The following SLCO3A1 variants were observed in gnomAD, a reference collection of about 807,000 sequenced individuals.
SLCO3A1 encodes PGE1 transporter.
Under a neutral mutation model 63.1 loss-of-function variants are expected in SLCO3A1, and 27 were observed. The ratio of observed to expected loss-of-function variants is 0.43; its 90% CI spans 0.32 to 0.59. SLCO3A1 has a LOEUF of 0.59. Among genes scored for constraint, SLCO3A1 ranks in the 20% least tolerant of loss-of-function variants. The probability of loss-of-function intolerance (pLI) is 0.09; values close to 1 mark genes in which losing one functional copy is unlikely to be tolerated. For synonymous variants in SLCO3A1, 473 were observed against 409.9 expected, an observed-to-expected ratio of 1.15 and a Z score of -1.86; for missense variants, 773 against 945.8, an observed-to-expected ratio of 0.82 and a Z score of 2.40.
chr15:91,960,345 T>C (rs1900398657), intron 2 of SLCO3A1, among the ~76,000 whole-genome samples: 2 of 152,336 alleles, frequency 1.3e-5, no homozygotes, highest in South Asian at 4.1e-4. Flanking sequence ...CCATCCATGT[T>C]GTAATGGGTA....
At chr15:92,110,099 C>G (rs185312240) in intron 4 of SLCO3A1, among the ~76,000 whole-genome samples, 12 of 152,178 alleles carry the variant, frequency 7.9e-5, no homozygotes, top group Non-Finnish European at 1.0e-4. Context: ...GCCTTTCCCC[C>G]CTCCAAAAGA....
intron 2 of SLCO3A1, among the ~76,000 whole-genome samples, chr15:91,947,346 G>A (rs112804879): frequency 2.3e-4 from 35 of 152,270 alleles, no homozygotes; most frequent in African/African-American, 8.2e-4. Flanking sequence ...GAAATTGTGG[G>A]AATCCTCAGG....
intron 2 of SLCO3A1, among the ~76,000 whole-genome samples, chr15:91,930,466 C>T (rs1270966892): frequency 6.6e-6 from 1 of 152,046 alleles, no homozygotes; most frequent in Non-Finnish European, 1.5e-5. Flanking sequence ...GTTACATGCC[C>T]AATGAGTAAT....
intron 2 of SLCO3A1, among the ~76,000 whole-genome samples, chr15:92,074,307 A>G (rs981021125): frequency 2.0e-5 from 3 of 152,218 alleles, no homozygotes; most frequent in Non-Finnish European, 2.9e-5. Flanking sequence ...TGAGCCATTC[A>G]GTTAACACCA....
intron 1 of SLCO3A1, among the ~76,000 whole-genome samples, chr15:91,911,088 C>G (rs895534978): frequency 6.6e-6 from 1 of 152,188 alleles, no homozygotes; most frequent in East Asian, 1.9e-4. Flanking sequence ...CCTATGGCAA[C>G]ATAGACTGAA....
Position 91,967,062 on chromosome 15 carries a change from A to G in SLCO3A1, c.646+50604A>G, listed in dbSNP as rs1237220707. On this transcript the variant is annotated intron_variant, in intron 2 of 9. Transcript: ENST00000318445. The surrounding 1 kb of genome is among the most constrained non-coding windows in gnomAD (Gnocchi z 4.4). ...TTGAACTCTGCTTTCAGATAACTTTATAAAGGGCTTTAAAACTGTCTTTGT... is the reference window on the plus strand; with the variant it reads ...TTGAACTCTGCTTTCAGATAACTTTGTAAAGGGCTTTAAAACTGTCTTTGT... Among the ~76,000 whole-genome samples the G allele has an allele frequency of 6.6e-6, 1 of 152,076 alleles. No individual in the cohort carries two copies. Among genetic ancestry groups the G allele is most frequent in the Non-Finnish European group, 1.5e-5 (1 of 68,012 alleles).
chr15:92,145,076 G>T (rs2048202839), intron 7 of SLCO3A1, among the ~76,000 whole-genome samples: 1 of 152,172 alleles, frequency 6.6e-6, no homozygotes, highest in African/African-American at 2.4e-5. Flanking sequence ...AAACAAGGGA[G>T]TGATGAGTAG....
In SLCO3A1 at chr15:92,016,699, T is replaced by A. The variant is rs2046442143; in HGVS notation, c.647-78182T>A. On this transcript the variant is annotated intron_variant, in intron 2 of 9. Transcript: ENST00000318445. ...AGAGAGAATGAATTCCAGAGAGTTA[T>A]CAAAGCAAGGATGGATGGGACATGA... Among the ~76,000 whole-genome samples, 3 of 151,922 alleles carry A rather than the reference T, an allele frequency of 2.0e-5. No individual in the cohort carries two copies. The South Asian group carries it at 6.2e-4, about 32-fold the overall frequency.
At chr15:92,012,399 T>C (rs1383964420) in intron 2 of SLCO3A1, among the ~76,000 whole-genome samples, 2 of 152,150 alleles carry the variant, frequency 1.3e-5, no homozygotes, top group African/African-American at 4.8e-5. Flanking sequence ...CCCACAGTTC[T>C]GGGAATTTAG....
chr15:92,108,617 G>T (rs931175336), intron 4 of SLCO3A1, among the ~76,000 whole-genome samples: 1 of 152,202 alleles, frequency 6.6e-6, no homozygotes, highest in Non-Finnish European at 1.5e-5. Flanking sequence ...ATTGTAAGTT[G>T]TCTCCGGCAT....
intron 2 of SLCO3A1, among the ~76,000 whole-genome samples, chr15:92,093,698 T>C (rs1309041987): frequency 6.6e-6 from 1 of 152,134 alleles, no homozygotes; most frequent in Non-Finnish European, 1.5e-5. Flanking sequence ...TCCCCAACCC[T>C]GAGAATAGTA....
chr15:92,063,040 A>G (rs1172026917), intron 2 of SLCO3A1, among the ~76,000 whole-genome samples: 1 of 152,214 alleles, frequency 6.6e-6, no homozygotes, highest in Admixed American at 6.5e-5. Context: ...TCACCCAAAA[A>G]GAACAACCAA....
chr15:92,092,818 C>G (rs2047492878), intron 2 of SLCO3A1, among the ~76,000 whole-genome samples: 1 of 152,140 alleles, frequency 6.6e-6, no homozygotes, highest in Non-Finnish European at 1.5e-5. Context: ...TTATGACAAA[C>G]CAGAGATAAT....
In SLCO3A1 at chr15:92,162,782, G is replaced by C; in HGVS notation, c.1780G>C (p.Gly594Arg). Residue 594 changes from glycine (G) to arginine (R), a missense_variant, in exon 10 of 10, where the codon GGG (glycine) becomes CGG (arginine). Coordinates refer to ENST00000318445, the MANE Select transcript of SLCO3A1 (RefSeq NM_013272.4). ...CTTCATCCCTCCACCCCTCATCTTCGGGGCTGGCATCGACTCCACCTGCCT... is the reference window on the plus strand; with the variant it reads ...CTTCATCCCTCCACCCCTCATCTTCCGGGCTGGCATCGACTCCACCTGCCT... Reference protein sequence around the residue: ...LGFIPPPLIFGAGIDSTCLFW... With the variant: ...LGFIPPPLIFRAGIDSTCLFW... 1 of 1,613,690 alleles carries C rather than the reference G, an allele frequency of 6.2e-7. No individual in the cohort carries two copies.
intron 1 of SLCO3A1, among the ~76,000 whole-genome samples, chr15:91,861,113 G>C (rs1340131815): frequency 6.6e-6 from 1 of 152,158 alleles, no homozygotes; most frequent in African/African-American, 2.4e-5. Flanking sequence ...TGAGTTTTTA[G>C]ATTCACCTTC....
intron 2 of SLCO3A1, among the ~76,000 whole-genome samples, chr15:92,037,823 C>T (rs1367790738): frequency 2.0e-5 from 3 of 152,086 alleles, no homozygotes; most frequent in Non-Finnish European, 4.4e-5. Context: ...AATTTTTTAC[C>T]CCCAGCTTAC....
At chr15:91,947,377 G>C (rs978721939) in intron 2 of SLCO3A1, among the ~76,000 whole-genome samples, 2 of 152,194 alleles carry the variant, frequency 1.3e-5, no homozygotes, top group Non-Finnish European at 2.9e-5. Flanking sequence ...ACAAGCTCCC[G>C]TGCTCTTGGT....
At chr15:92,109,004 G>C (rs1227179900) in intron 4 of SLCO3A1, among the ~76,000 whole-genome samples, 1 of 152,140 alleles carries the variant, frequency 6.6e-6, no homozygotes, top group Non-Finnish European at 1.5e-5. Context: ...CAGTTCATCT[G>C]TTCATTTCCA....
Position 92,164,051 on chromosome 15 carries a change from A to G in SLCO3A1, c.*916A>G. 1 of 983,898 alleles carries G rather than the reference A, an allele frequency of 1.0e-6. No individual in the cohort carries two copies. The highest frequency in any genetic ancestry group is 1.2e-6 in the Non-Finnish European group (1 of 828,500). The allele number at this position is 983,898 out of a possible 1,614,324, so 60.9% of individuals were successfully genotyped here. ...GCCATTTTTAAAAGAAAAAAATACA[A>G]TCCATATGAATTTCAAACTGTTGTA... On this transcript the variant is annotated 3_prime_UTR_variant, in exon 10 of 10. Coordinates refer to ENST00000318445, the MANE Select transcript of SLCO3A1 (RefSeq NM_013272.4).
Sources: allele counts gnomAD v4.1 joint callset (sites outside exome capture counted in the v4.1 genomes callset), GRCh38; gene constraint gnomAD v4.1.1; non-coding constraint Gnocchi (gnomAD v3.1); transcripts MANE v1.5; gene names NCBI Gene and HGNC (gene_info 2026-07-23, HGNC 2026-07-21).